The following KCNH7 variants were observed in gnomAD, a reference collection of about 807,000 sequenced individuals.
KCNH7 encodes the protein voltage-gated inwardly rectifying potassium channel KCNH7.
In KCNH7, 49 loss-of-function variants were observed where a neutral mutation model predicts 120.8. That is an observed-to-expected ratio of 0.41 (90% CI 0.32 to 0.51). The LOEUF is 0.51. Ranked by LOEUF, KCNH7 falls within the 20% of genes least tolerant of loss-of-function variation. The pLI is 0.38. For synonymous variants in KCNH7, 547 were observed against 516.1 expected, an observed-to-expected ratio of 1.06 and a Z score of -0.81; for missense variants, 1,097 against 1,446.6, an observed-to-expected ratio of 0.76 and a Z score of 3.92.
chr2:162,373,149 T>C (rs1174494158), intron 15 of KCNH7, among the ~76,000 whole-genome samples: 2 of 152,170 alleles, frequency 1.3e-5, no homozygotes, highest in African/African-American at 4.8e-5. Context: ...AGGAAGACTA[T>C]TCCTTAGATT....
At chr2:162,823,258 G>C (rs1685176507) in intron 2 of KCNH7, among the ~76,000 whole-genome samples, 2 of 151,702 alleles carry the variant, frequency 1.3e-5, no homozygotes, top group Admixed American at 1.3e-4. Flanking sequence ...GATTTTAGAA[G>C]AGTATAGTCA....
intron 2 of KCNH7, among the ~76,000 whole-genome samples, chr2:162,780,458 C>T (rs1332972417): frequency 6.6e-6 from 1 of 152,132 alleles, no homozygotes; most frequent in Non-Finnish European, 1.5e-5. Flanking sequence ...GCGTGCCAGC[C>T]AGTGCTAGGG....
chr2:162,385,843 G>C (rs1305478301), intron 12 of KCNH7, among the ~76,000 whole-genome samples: 1 of 151,808 alleles, frequency 6.6e-6, no homozygotes, highest in Non-Finnish European at 1.5e-5. Context: ...ATGAACCGAT[G>C]GAAGGCCATG....
chr2:162,772,523 G>A (rs1683093480), intron 2 of KCNH7, among the ~76,000 whole-genome samples: 1 of 145,770 alleles, frequency 6.9e-6, no homozygotes, highest in Admixed American at 6.7e-5. Flanking sequence ...TCTCCTGTTG[G>A]AGTATTTATT....
chr2:162,818,019 C>T (rs966967722), intron 2 of KCNH7, among the ~76,000 whole-genome samples: 1 of 151,852 alleles, frequency 6.6e-6, no homozygotes, highest in Non-Finnish European at 1.5e-5. Context: ...CAGTCTGTAT[C>T]AGTTTTTATT....
intron 2 of KCNH7, among the ~76,000 whole-genome samples, chr2:162,708,040 C>T (rs767572398): frequency 2.4e-4 from 36 of 151,912 alleles, no homozygotes; most frequent in Non-Finnish European, 2.5e-4. Context: ...CTTGGTGGCT[C>T]TCTTAATTTC....
At chr2:162,437,863 C>T (rs1266965106) in intron 7 of KCNH7, among the ~76,000 whole-genome samples, 1 of 152,118 alleles carries the variant, frequency 6.6e-6, no homozygotes, top group East Asian at 1.9e-4. Flanking sequence ...ACTGGCCTTG[C>T]AGCTCGCCTC....
intron 8 of KCNH7, among the ~76,000 whole-genome samples, chr2:162,431,734 A>C (rs1400243197): frequency 6.6e-6 from 1 of 151,938 alleles, no homozygotes; most frequent in Non-Finnish European, 1.5e-5. Context: ...TTCTTGAAAG[A>C]TACAATTCAT....
chr2:162,592,880 C>G (rs1273465130), intron 2 of KCNH7, among the ~76,000 whole-genome samples: 1 of 152,074 alleles, frequency 6.6e-6, no homozygotes, highest in Non-Finnish European at 1.5e-5. Context: ...ATCCACTAAT[C>G]TACATCAGAA....
At chr2:162,806,983 C>T (rs1411584213) in intron 2 of KCNH7, among the ~76,000 whole-genome samples, 1 of 150,842 alleles carries the variant, frequency 6.6e-6, no homozygotes, top group Admixed American at 6.6e-5. Context: ...GGAAATCCAA[C>T]AATAGAAATA....
At chr2:162,478,070 T>A (rs1027576742) in intron 6 of KCNH7, among the ~76,000 whole-genome samples, 11 of 152,184 alleles carry the variant, frequency 7.2e-5, no homozygotes, top group African/African-American at 2.7e-4. Context: ...CTGGATGAAT[T>A]TAACTCAGGT....
At chr2:162,825,504 T>A (rs1493003) in intron 2 of KCNH7, among the ~76,000 whole-genome samples, 90,543 of 151,086 alleles carry the variant, frequency 0.6, 28,068 homozygotes, top group South Asian at 0.84. Context: ...ACCTTTTTGC[T>A]GTTATAATTT....
Position 162,446,441 on chromosome 2 carries a change from A to G in KCNH7, c.1131T>C (p.Val377=). ...GTAGGACATCTGCTCCTAAAGAGAG[A>G]ACCTGAATGTGCAAAAGAAAATCAT... The part of the protein sequence containing the change: ...THNVTEKVTQ[V]LSLGADVLPE... Residue 377 remains valine (V), a splice_region_variant and synonymous_variant, in exon 7 of 16, where the codon GTT becomes GTC. Coordinates refer to ENST00000332142, the MANE Select transcript of KCNH7 (RefSeq NM_033272.4). 1.9e-6 allele frequency: 3 copies of G among 1,597,982 alleles called. No homozygotes were observed. Among genetic ancestry groups the G allele is most frequent in the Non-Finnish European group, 2.6e-6 (3 of 1,171,538 alleles).
At position 162,810,210 on chromosome 2, in the gene KCNH7, C is replaced by G. The variant is rs1421799843; in HGVS notation, c.307+26327G>C. On this transcript the variant is annotated intron_variant, in intron 2 of 15. Coordinates refer to ENST00000332142, the MANE Select transcript of KCNH7 (RefSeq NM_033272.4). ...GATTACAGGCGTGAGCCACCGCGCC[C>G]GGCCTCACCTATTCTTAATATAATA... Among the ~76,000 whole-genome samples, 2 of 20,202 alleles carry G rather than the reference C, an allele frequency of 9.9e-5. 1 individual carries two copies. Among genetic ancestry groups the G allele is most frequent in the Non-Finnish European group, 2.8e-4 (2 of 7,046 alleles). The allele number at this position is 20,202 out of a possible 152,430, so 13.3% of individuals were successfully genotyped here. A position where few individuals can be genotyped will look rare whatever the true frequency, so the allele number is the denominator to read the frequency against.
chr2:162,753,014 A>G (rs943345169), intron 2 of KCNH7, among the ~76,000 whole-genome samples: 10 of 148,248 alleles, frequency 6.7e-5, no homozygotes, highest in Admixed American at 5.4e-4. Context: ...AAAAGAAAAG[A>G]AAAGAAAAGA....
chr2:162,441,004 A>G (rs1688398790), intron 7 of KCNH7, among the ~76,000 whole-genome samples: 1 of 152,150 alleles, frequency 6.6e-6, no homozygotes, highest in African/African-American at 2.4e-5. Flanking sequence ...TCAATCACAT[A>G]CAAACGAACA....
At chr2:162,561,070 T>C (rs1693047189) in intron 2 of KCNH7, among the ~76,000 whole-genome samples, 2 of 151,730 alleles carry the variant, frequency 1.3e-5, no homozygotes, top group Non-Finnish European at 2.9e-5. Context: ...TTTTTTACTA[T>C]CTGGAAATGT....
At chr2:162,761,622 A>G (rs1381224473) in intron 2 of KCNH7, among the ~76,000 whole-genome samples, 1 of 152,128 alleles carries the variant, frequency 6.6e-6, no homozygotes, top group African/African-American at 2.4e-5. Flanking sequence ...AGGTAAGGAA[A>G]CTGTAGGTTA....
At chr2:162,477,723 T>C (rs1419530766) in intron 6 of KCNH7, among the ~76,000 whole-genome samples, 3 of 152,312 alleles carry the variant, frequency 2.0e-5, no homozygotes, top group Non-Finnish European at 4.4e-5. Flanking sequence ...AATGCCATAA[T>C]TGATTTAGGA....
Sources: allele counts gnomAD v4.1 joint callset (sites outside exome capture counted in the v4.1 genomes callset), GRCh38; gene constraint gnomAD v4.1.1; transcripts MANE v1.5; gene names NCBI Gene and HGNC (gene_info 2026-07-23, HGNC 2026-07-21).